DCPS: variants seen among roughly 807,000 people sequenced by gnomAD.
DCPS encodes the protein decapping enzyme, scavenger.
Under a neutral mutation model 34.7 loss-of-function variants are expected in DCPS, and 27 were observed. The ratio of observed to expected loss-of-function variants is 0.78; its 90% CI spans 0.57 to 1.07. The LOEUF (loss-of-function observed/expected upper bound fraction) is 1.07. Among genes scored for constraint, DCPS ranks in the 50% least tolerant of loss-of-function variants. The pLI, the probability that DCPS is intolerant of heterozygous loss-of-function variation, is 0.00. For synonymous variants in DCPS, 185 were observed against 185.7 expected, an observed-to-expected ratio of 1.00 and a Z score of 0.03; for missense variants, 464 against 436.9, an observed-to-expected ratio of 1.06 and a Z score of -0.55.
At chr11:126,324,079 G>A (rs1320775294) in intron 2 of DCPS, among the ~76,000 whole-genome samples, 2 of 152,102 alleles carry the variant, frequency 1.3e-5, no homozygotes, top group Non-Finnish European at 2.9e-5. Flanking sequence ...TGATCCGTCC[G>A]CCTTGGCCTC....
In DCPS at chr11:126,313,177, A is replaced by G. The variant is rs1008593399; in HGVS notation, c.376+6433A>G. 2.0e-5 allele frequency among the ~76,000 whole-genome samples: 3 copies of G among 152,140 alleles called. No homozygotes were observed. Among genetic ancestry groups the G allele is most frequent in the Non-Finnish European group, 2.9e-5 (2 of 68,012 alleles). ...CAGGAGGTGAAATCTCAAGTTCAGA[A>G]GAGGAGACAGGCATTTGTGAGTGAG... On this transcript the variant is annotated intron_variant, in intron 2 of 5. Transcript: ENST00000263579. This position sits in a 1 kb window ranked among gnomAD's most constrained non-coding sequence, Gnocchi z 4.9.
In DCPS at chr11:126,327,882, C is replaced by CA. The variant is rs1236107632; in HGVS notation, c.377-3522dup. ...GGAAGCTGCATAGTAGTTGGGGAGT[C>CA]AGACAGTCCATCCACCTGCTGCTGT... On this transcript the variant is annotated intron_variant, in intron 2 of 5. Coordinates refer to ENST00000263579, the MANE Select transcript of DCPS (RefSeq NM_014026.6). This position sits in a 1 kb window ranked among gnomAD's most constrained non-coding sequence, Gnocchi z 4.1. Among the ~76,000 whole-genome samples, 1 of 152,218 alleles carries CA rather than the reference C, an allele frequency of 6.6e-6. No individual in the cohort carries two copies. The highest frequency in any genetic ancestry group is 1.5e-5 in the Non-Finnish European group (1 of 68,042).
rs1044449717 is a variant in DCPS, at chr11:126,325,546, A to G, written c.377-5859A>G. 6.6e-6 allele frequency among the ~76,000 whole-genome samples: 1 copy of G among 152,226 alleles called. No individual in the cohort carries two copies. The highest frequency in any genetic ancestry group is 2.4e-5 in the African/African-American group (1 of 41,448). On this transcript the variant is annotated intron_variant, in intron 2 of 5. Coordinates refer to ENST00000263579, the MANE Select transcript of DCPS (RefSeq NM_014026.6). This position sits in a 1 kb window ranked among gnomAD's most constrained non-coding sequence, Gnocchi z 4.3. ...AAGTATAATTTAGAATTCTGGAAGT[A>G]TATAACCAAAGAGGTGGCCAGAAGT...
chr11:126,325,516 T>C lies in DCPS; in HGVS notation c.377-5889T>C, dbSNP rs1341750814. 1.3e-5 allele frequency among the ~76,000 whole-genome samples: 2 copies of C among 152,176 alleles called. No individual in the cohort carries two copies. Among genetic ancestry groups the C allele is most frequent in the Non-Finnish European group, 2.9e-5 (2 of 68,034 alleles). On this transcript the variant is annotated intron_variant, in intron 2 of 5. Transcript: ENST00000263579. The surrounding 1 kb of genome is among the most constrained non-coding windows in gnomAD (Gnocchi z 4.3). ...AGTTAAAAGTCAAGTAGGAACAAGA[T>C]ATAAAAGTATAATTTAGAATTCTGG...
Position 126,337,482 on chromosome 11 carries a change from T to A in DCPS, c.523-804T>A, listed in dbSNP as rs1162505189. On this transcript the variant is annotated intron_variant, in intron 3 of 5. Transcript: ENST00000263579. This position sits in a 1 kb window ranked among gnomAD's most constrained non-coding sequence, Gnocchi z 5.3. ...AGACAGGCCTCCAGGACCATCTCTG[T>A]AAAGTAATGTCCTTGGGTCAACACA... The A allele has an allele frequency of 6.6e-6, 1 of 152,248 alleles. No homozygotes were observed. The highest frequency in any genetic ancestry group is 1.5e-5 in the Non-Finnish European group (1 of 68,092). The allele number at this position is 152,248 out of a possible 1,614,324, so 9.4% of individuals were successfully genotyped here. A position where few individuals can be genotyped will look rare whatever the true frequency, so the allele number is the denominator to read the frequency against.
Position 126,320,331 on chromosome 11 carries a change from A to G in DCPS, c.377-11074A>G, listed in dbSNP as rs563639995. On this transcript the variant is annotated intron_variant, in intron 2 of 5. Transcript: ENST00000263579. This position sits in a 1 kb window ranked among gnomAD's most constrained non-coding sequence, Gnocchi z 4.7. ...CTGGAGATGATCTTAAAGAACAAGC[A>G]AGTATGTCACGTGGCAACAAACAGC... Among the ~76,000 whole-genome samples the G allele has an allele frequency of 7.9e-4, 121 of 152,340 alleles. No individual in the cohort carries two copies. The highest frequency in any genetic ancestry group is 2.9e-3 in the African/African-American group (119 of 41,578).
At chr11:126,330,944 C>A (rs1951785306) in intron 2 of DCPS, among the ~76,000 whole-genome samples, 1 of 151,670 alleles carries the variant, frequency 6.6e-6, no homozygotes, top group South Asian at 2.1e-4. Context: ...CCACGTTGGT[C>A]AGGCTGGTCT....
rs1951924822 is a variant in DCPS at position 126,346,043 on chromosome 11, C to G, written c.*430C>G. ...CCATCCACCTCTCCTTTGAGGAGTT[C>G]CCCAAAAAACCAAACTTGGAAGCTT... is the stretch of plus-strand genomic sequence containing the variant. On this transcript the variant is annotated 3_prime_UTR_variant, in exon 6 of 6. Transcript: ENST00000263579. The surrounding 1 kb of genome is among the most constrained non-coding windows in gnomAD (Gnocchi z 4.1). Among the ~76,000 whole-genome samples the G allele has an allele frequency of 1.3e-5, 2 of 152,122 alleles. No homozygotes were observed. The highest frequency in any genetic ancestry group is 1.3e-4 in the Admixed American group (2 of 15,274).
rs367792546 is a variant in DCPS, at chr11:126,338,423, C to G, written c.636+24C>G. The G allele has an allele frequency of 6.2e-7, 1 of 1,605,894 alleles. No individual in the cohort carries two copies. Among genetic ancestry groups the G allele is most frequent in the Non-Finnish European group, 8.5e-7 (1 of 1,172,446 alleles). ...AGGTAAAGGTTTCTGGCTGGAATGT[C>G]CTGATCTCTGGCCACCCTGCTGTAA... On this transcript the variant is annotated intron_variant, in intron 4 of 5. Coordinates refer to ENST00000263579, the MANE Select transcript of DCPS (RefSeq NM_014026.6). The surrounding 1 kb of genome is among the most constrained non-coding windows in gnomAD (Gnocchi z 5.4).
chr11:126,311,556 G>A (rs181690203), intron 2 of DCPS, among the ~76,000 whole-genome samples: 4 of 152,350 alleles, frequency 2.6e-5, no homozygotes, highest in African/African-American at 9.6e-5. Flanking sequence ...CTGCAGTGGA[G>A]CTGACACCCA....
rs1951807783 is a variant in DCPS, at chr11:126,333,539, G to A, written c.522+1989G>A. Among the ~76,000 whole-genome samples the A allele has an allele frequency of 6.6e-6, 1 of 152,224 alleles. No individual in the cohort carries two copies. Among genetic ancestry groups the A allele is most frequent in the Non-Finnish European group, 1.5e-5 (1 of 68,042 alleles). ...CACAGGGAGAGGATCCTCCCCTTGG[G>A]TCTTACAGGACAAATAGAAGTTTAC... On this transcript the variant is annotated intron_variant, in intron 3 of 5. Transcript: ENST00000263579. This position sits in a 1 kb window ranked among gnomAD's most constrained non-coding sequence, Gnocchi z 5.7.
Position 126,328,895 on chromosome 11 carries a change from G to A in DCPS, c.377-2510G>A, listed in dbSNP as rs1427849323. ...CTCCCAACAGCCCTGGAAGGTAGGT[G>A]CTGTTATTGTTACCCCAGATTGTAG... On this transcript the variant is annotated intron_variant, in intron 2 of 5. Coordinates refer to ENST00000263579, the MANE Select transcript of DCPS (RefSeq NM_014026.6). This position sits in a 1 kb window ranked among gnomAD's most constrained non-coding sequence, Gnocchi z 6.6. Among the ~76,000 whole-genome samples the A allele has an allele frequency of 6.6e-6, 1 of 152,216 alleles. No individual in the cohort carries two copies. The highest frequency in any genetic ancestry group is 1.5e-5 in the Non-Finnish European group (1 of 68,038).
intron 2 of DCPS, among the ~76,000 whole-genome samples, chr11:126,318,334 T>C (rs1951678705): frequency 6.6e-6 from 1 of 152,208 alleles, no homozygotes; most frequent in South Asian, 2.1e-4. Flanking sequence ...TCAGTATTTC[T>C]GTAATGTAGG....
intron 1 of DCPS, among the ~76,000 whole-genome samples, chr11:126,305,869 C>T (rs1951560720): frequency 6.6e-6 from 1 of 152,162 alleles, no homozygotes; most frequent in African/African-American, 2.4e-5. Flanking sequence ...AGCCTTCGAG[C>T]TAGGAGTCAC....
In DCPS at chr11:126,345,383, C is replaced by G. The variant is rs1346013822; in HGVS notation, c.784C>G (p.His262Asp). 3 of 1,614,164 alleles carry G rather than the reference C, an allele frequency of 1.9e-6. No individual in the cohort carries two copies. In the South Asian group the frequency reaches 3.3e-5, roughly 18 times the overall value. The part of the protein sequence containing the change: ...ILQRYRMKGD[H>D]LRVYLHYLPS... Reference sequence around the variant, plus strand: ...GCAGCGCTACCGGATGAAGGGAGACCATCTGCGAGTATACCTGCACTACCT... The same window carrying G: ...GCAGCGCTACCGGATGAAGGGAGACGATCTGCGAGTATACCTGCACTACCT... The change falls in exon 6 of 6, where the codon CAT becomes GAT. Residue 262 changes from histidine (H) to aspartate (D), a missense_variant. Transcript: ENST00000263579. The surrounding 1 kb of genome is among the most constrained non-coding windows in gnomAD (Gnocchi z 7.4).
At position 126,335,453 on chromosome 11, in the gene DCPS, T is replaced by C. The variant is rs1029275579; in HGVS notation, c.523-2833T>C. 1.3e-5 allele frequency among the ~76,000 whole-genome samples: 2 copies of C among 152,202 alleles called. No individual in the cohort carries two copies. Among genetic ancestry groups the C allele is most frequent in the South Asian group, 2.1e-4 (1 of 4,830 alleles). On this transcript the variant is annotated intron_variant, in intron 3 of 5. Coordinates refer to ENST00000263579, the MANE Select transcript of DCPS (RefSeq NM_014026.6). This position sits in a 1 kb window ranked among gnomAD's most constrained non-coding sequence, Gnocchi z 4.8. ...TTGTTCTTTCATTCTCCTTTTTTTT[T>C]ATCTGGGCCCCTGGCCTGGAGGCTT... is the stretch of plus-strand genomic sequence containing the variant.
Position 126,342,317 on chromosome 11 carries a change from G to T in DCPS, c.637-990G>T, listed in dbSNP as rs1456795025. The stretch of plus-strand genomic sequence containing the variant: ...TTGTGCTCAGGAAGGACAGCAGGAA[G>T]GTATCCTGTGCGATAGGGGAAGAGA... On this transcript the variant is annotated intron_variant, in intron 4 of 5. Coordinates refer to ENST00000263579, the MANE Select transcript of DCPS (RefSeq NM_014026.6). This position sits in a 1 kb window ranked among gnomAD's most constrained non-coding sequence, Gnocchi z 4.4. The T allele has an allele frequency of 6.6e-6, 1 of 152,464 alleles. No homozygotes were observed. Among genetic ancestry groups the T allele is most frequent in the African/African-American group, 2.4e-5 (1 of 41,456 alleles). 9.4% of individuals were successfully genotyped at this position (152,464 alleles called of 1,614,324 possible). A position where few individuals can be genotyped will look rare whatever the true frequency, so the allele number is the denominator to read the frequency against.
rs1951699734 is a variant in DCPS at position 126,320,786 on chromosome 11, A to C, written c.377-10619A>C. Among the ~76,000 whole-genome samples the C allele has an allele frequency of 6.6e-6, 1 of 152,164 alleles. No individual in the cohort carries two copies. The highest frequency in any genetic ancestry group is 1.5e-5 in the Non-Finnish European group (1 of 68,030). On this transcript the variant is annotated intron_variant, in intron 2 of 5. Transcript: ENST00000263579. This position sits in a 1 kb window ranked among gnomAD's most constrained non-coding sequence, Gnocchi z 4.7. ...AGAGCCAGACCCTGTCTCCAGAAAA[A>C]AAAGGAGAGGAGACAACAAAATTTC...
intron 4 of DCPS, 69 bp from the exon 5 acceptor site, chr11:126,343,238 A>G: frequency 7.5e-7 from 1 of 1,337,354 alleles, no homozygotes; most frequent in Non-Finnish European, 1.1e-6. Flanking sequence ...TTACGTGAGA[A>G]CTCCAGGGTT....
Sources: allele counts gnomAD v4.1 joint callset (sites outside exome capture counted in the v4.1 genomes callset), GRCh38; gene constraint gnomAD v4.1.1; non-coding constraint Gnocchi (gnomAD v3.1); transcripts MANE v1.5; gene names NCBI Gene and HGNC (gene_info 2026-07-23, HGNC 2026-07-21).